Variants in MAML3 observed in about 807,000 individuals in gnomAD.
The protein encoded by MAML3 is mastermind like transcriptional coactivator 3.
A neutral mutation model predicts 101.9 loss-of-function variants in MAML3; 27 were observed. The ratio of observed to expected loss-of-function variants is 0.27; its 90% CI spans 0.20 to 0.37. The LOEUF is 0.37. MAML3 is among the 10% of genes least tolerant of loss of function. The pLI, the probability that MAML3 is intolerant of heterozygous loss-of-function variation, is 1.00. For missense variants in MAML3, 1,316 were observed against 1,444.9 expected, an observed-to-expected ratio of 0.91 and a Z score of 1.45; for synonymous variants, 501 against 555.9, an observed-to-expected ratio of 0.90 and a Z score of 1.39.
At chr4:140,151,222 GGAGGAGGAA>G (rs1346918742) in intron 1 of MAML3, among the ~76,000 whole-genome samples, 1 of 152,104 alleles carries the variant, frequency 6.6e-6, no homozygotes, top group African/African-American at 2.4e-5. Flanking sequence ...AAGGGGAGGG[GGAGGAGGAA>G]GAGGAGGAGG....
intron 1 of MAML3, among the ~76,000 whole-genome samples, chr4:140,031,116 C>G (rs1726900892): frequency 6.6e-6 from 1 of 152,190 alleles, no homozygotes; most frequent in African/African-American, 2.4e-5. Flanking sequence ...TATGATTACT[C>G]TCCTTAGTCC....
chr4:140,128,195 T>G (rs1728714399), intron 1 of MAML3: 2 of 152,182 alleles, frequency 1.3e-5, no homozygotes. Flanking sequence ...AGATGGTGCT[T>G]TAGAACAATA....
chr4:140,094,134 C>G (rs539357461), intron 1 of MAML3, among the ~76,000 whole-genome samples: 1 of 152,218 alleles, frequency 6.6e-6, no homozygotes, highest in South Asian at 2.1e-4. Flanking sequence ...TATTTGCAGG[C>G]AAGGTCCATT....
intron 1 of MAML3, among the ~76,000 whole-genome samples, chr4:139,898,326 C>G (rs74731765): frequency 0.011 from 1,740 of 152,278 alleles, 29 homozygotes; most frequent in African/African-American, 0.04. Flanking sequence ...TTTGAGGACT[C>G]TAAGGGTCCA....
chr4:140,107,027 T>C (rs1034572021), intron 1 of MAML3, among the ~76,000 whole-genome samples: 1 of 151,948 alleles, frequency 6.6e-6, no homozygotes, highest in Non-Finnish European at 1.5e-5. Flanking sequence ...CCTGCTACCA[T>C]GCCCAGCTAC....
In MAML3 at chr4:140,013,179, A is replaced by G. The variant is rs1726590520; in HGVS notation, c.469-122212T>C. Among the ~76,000 whole-genome samples the G allele has an allele frequency of 2.0e-5, 3 of 152,216 alleles. No individual in the cohort carries two copies. In the South Asian group the frequency reaches 6.2e-4, roughly 32 times the overall value. On this transcript the variant is annotated intron_variant, in intron 1 of 4. Coordinates refer to ENST00000509479, the MANE Select transcript of MAML3 (RefSeq NM_018717.5). ...TCTTTCCTTTACTCTTCCACTAGAA[A>G]ATGTCAAATATTTAAGGAGTCAAAT...
chr4:139,865,367 C>T lies in MAML3; in HGVS notation c.2079+23990G>A, dbSNP rs181379695. Among the ~76,000 whole-genome samples, 435 of 152,208 alleles carry T rather than the reference C, an allele frequency of 2.9e-3. 1 individual carries two copies. Among genetic ancestry groups the T allele is most frequent in the African/African-American group, 9.8e-3 (408 of 41,536 alleles). ...GGGAAGGTGCAGAAATAAGATGGAT[C>T]CAGGTGACCTTGGGGAGAAATCATT... On this transcript the variant is annotated intron_variant, in intron 2 of 4. Transcript: ENST00000509479.
intron 1 of MAML3, among the ~76,000 whole-genome samples, chr4:140,032,203 G>A (rs529637518): frequency 9.8e-5 from 15 of 152,290 alleles, no homozygotes; most frequent in South Asian, 2.1e-4. Flanking sequence ...GGAAATGATC[G>A]TAGATATAAT....
At chr4:139,786,143 T>A (rs943109389) in intron 2 of MAML3, among the ~76,000 whole-genome samples, 10 of 152,010 alleles carry the variant, frequency 6.6e-5, no homozygotes, top group Admixed American at 3.9e-4. Context: ...ACTGGAAGAA[T>A]ATGGCTGTCT....
intron 1 of MAML3, among the ~76,000 whole-genome samples, chr4:139,961,394 G>A (rs1358502490): frequency 6.6e-6 from 1 of 152,192 alleles, no homozygotes; most frequent in East Asian, 1.9e-4. Context: ...AAAAGCTCAA[G>A]GGTATACACA....
chr4:139,781,140 A>T (rs1730197203), intron 2 of MAML3, among the ~76,000 whole-genome samples: 1 of 152,102 alleles, frequency 6.6e-6, no homozygotes, highest in Non-Finnish European at 1.5e-5. Context: ...AAATTCTTAA[A>T]TTTTTAATTT....
chr4:139,789,499 T>A (rs981426299), intron 2 of MAML3, among the ~76,000 whole-genome samples: 1 of 152,094 alleles, frequency 6.6e-6, no homozygotes, highest in Non-Finnish European at 1.5e-5. Context: ...GCAGGTTGAG[T>A]CCGTGTGTAG....
At chr4:139,772,752 T>C (rs1030593785) in intron 2 of MAML3, among the ~76,000 whole-genome samples, 1 of 151,846 alleles carries the variant, frequency 6.6e-6, no homozygotes, top group African/African-American at 2.4e-5. Context: ...TCACTGGAGG[T>C]CTTCAAGCAG....
chr4:139,787,609 T>G (rs978991180), intron 2 of MAML3, among the ~76,000 whole-genome samples: 2 of 152,218 alleles, frequency 1.3e-5, no homozygotes, highest in Non-Finnish European at 2.9e-5. Context: ...TTATATGTTA[T>G]CTTAAATTTT....
At chr4:139,843,096 T>A (rs1268180236) in intron 2 of MAML3, among the ~76,000 whole-genome samples, 1 of 152,122 alleles carries the variant, frequency 6.6e-6, no homozygotes, top group Non-Finnish European at 1.5e-5. Flanking sequence ...CAGTTCCTTT[T>A]GTTAGCTGCA....
intron 2 of MAML3, among the ~76,000 whole-genome samples, chr4:139,851,648 T>C (rs895207164): frequency 6.6e-6 from 1 of 152,230 alleles, no homozygotes; most frequent in Non-Finnish European, 1.5e-5. Flanking sequence ...GTTGGGGGCA[T>C]TGGCTCAGGC....
intron 2 of MAML3, among the ~76,000 whole-genome samples, chr4:139,829,170 G>T (rs1052378119): frequency 1.4e-5 from 2 of 146,804 alleles, no homozygotes; most frequent in Non-Finnish European, 3.0e-5. Context: ...AAGGAAGCAC[G>T]GAAGGAAGTG....
Position 139,716,898 on chromosome 4 carries a change from G to GA in MAML3, c.*2424dup, listed in dbSNP as rs1329742939. On this transcript the variant is annotated 3_prime_UTR_variant, in exon 5 of 5. Transcript: ENST00000509479. The stretch of plus-strand genomic sequence containing the variant: ...TGTACAAAGTAAAAACAGAAAACTA[G>GA]AAAAATCTGAATAAAATGGAGCAAG... 6 of 152,518 alleles carry GA rather than the reference G, an allele frequency of 3.9e-5. No homozygotes were observed. Among genetic ancestry groups the GA allele is most frequent in the South Asian group, 2.1e-4 (1 of 4,830 alleles). 9.4% of individuals were successfully genotyped at this position (152,518 alleles called of 1,614,324 possible). A position where few individuals can be genotyped will look rare whatever the true frequency, so the allele number is the denominator to read the frequency against.
intron 1 of MAML3, among the ~76,000 whole-genome samples, chr4:140,109,096 T>C (rs111435777): frequency 7.2e-5 from 11 of 152,286 alleles, no homozygotes; most frequent in African/African-American, 2.6e-4. Flanking sequence ...ACTTATTGTC[T>C]CAACATTTGA....
Sources: allele counts gnomAD v4.1 joint callset (sites outside exome capture counted in the v4.1 genomes callset), GRCh38; gene constraint gnomAD v4.1.1; transcripts MANE v1.5; gene names NCBI Gene and HGNC (gene_info 2026-07-23, HGNC 2026-07-21).